The following PLPBP variants were observed in gnomAD, a reference collection of about 807,000 sequenced individuals.
PLPBP encodes pyridoxal phosphate binding protein, also known as pyridoxal phosphate homeostasis protein.
In PLPBP, 21 loss-of-function variants were observed where a neutral mutation model predicts 31.2. The observed-to-expected ratio is 0.67, with a 90% CI of 0.48 to 0.97. The LOEUF (loss-of-function observed/expected upper bound fraction) is 0.97, where lower values mean the gene tolerates loss of function less well. Among genes scored for constraint, PLPBP ranks in the 50% least tolerant of loss-of-function variants. PLPBP has a pLI of 0.00. For synonymous variants in PLPBP, 124 were observed against 135.6 expected (o/e 0.91, Z 0.59); for missense variants, 308 against 354.4 (o/e 0.87, Z 1.05).
intron 4 of PLPBP, among the ~76,000 whole-genome samples, chr8:37,769,981 A>C (rs916011406): frequency 1.3e-5 from 2 of 152,236 alleles, no homozygotes; most frequent in African/African-American, 4.8e-5. Context: ...TGATGCAAGA[A>C]TTTGAAGAGG....
chr8:37,767,015 C>T (rs549426065), intron 4 of PLPBP, among the ~76,000 whole-genome samples: 94 of 135,436 alleles, frequency 6.9e-4, no homozygotes, highest in Non-Finnish European at 1.0e-3. Context: ...CCACTGCACT[C>T]CAGACTAGGT....
At chr8:37,771,561 C>T (rs933183394) in intron 4 of PLPBP, among the ~76,000 whole-genome samples, 1 of 152,104 alleles carries the variant, frequency 6.6e-6, no homozygotes, top group Non-Finnish European at 1.5e-5. Context: ...GTGGGGATTA[C>T]AGGTGTGAGC....
At chr8:37,766,676 T>C in intron 4 of PLPBP, 1 of 931,730 alleles carries the variant, frequency 1.1e-6, no homozygotes, top group Non-Finnish European at 1.3e-6. Flanking sequence ...TCTGTTCTTT[T>C]TCCTTTAAAT....
intron 5 of PLPBP, 38 bp from the exon 6 acceptor site, chr8:37,775,301 C>G: frequency 6.2e-7 from 1 of 1,612,604 alleles, no homozygotes; most frequent in Non-Finnish European, 8.5e-7. Flanking sequence ...GGCCATTTAC[C>G]CTTGCAGTAT....
At chr8:37,771,642 G>A (rs544652981) in intron 4 of PLPBP, among the ~76,000 whole-genome samples, 17 of 152,070 alleles carry the variant, frequency 1.1e-4, no homozygotes, top group African/African-American at 4.1e-4. Context: ...AAGCAAAAAT[G>A]GACAAATGGG....
rs774240953 is a variant in PLPBP, at chr8:37,775,404, A to C, written c.520A>C (p.Asn174His). ...IVEHINAKCP[N>H]LEFVGLMTIG... ...GGAGCACATAAACGCCAAGTGTCCT[A>C]ACCTGGAGTTTGTGGGGCTGATGAC... The change falls in exon 6 of 8, where the codon AAC (asparagine) becomes CAC (histidine). Residue 174 changes from asparagine (N) to histidine (H), a missense_variant. By Grantham distance (68) the Asn-to-His change is moderately conservative. Around this residue, in one of 2 missense-constraint regions of PLPBP, gnomAD observed 188 missense variants for 259.3 expected, o/e 0.73. Coordinates refer to ENST00000328195, the MANE Select transcript of PLPBP (RefSeq NM_007198.4). 9.3e-6 allele frequency: 15 copies of C among 1,614,236 alleles called. No homozygotes were observed. The highest frequency in any genetic ancestry group is 1.2e-5 in the Non-Finnish European group (14 of 1,180,040).
rs1585944802 is a variant in PLPBP at position 37,779,292 on chromosome 8, C to T, written c.*1188C>T. Reference sequence around the variant, plus strand: ...CAAAACCCAGTGAATCTCATTACTCCTAAGAAACGAAAGATTCCTTCAAAG... The same window carrying T: ...CAAAACCCAGTGAATCTCATTACTCTTAAGAAACGAAAGATTCCTTCAAAG... On this transcript the variant is annotated 3_prime_UTR_variant, in exon 8 of 8. Transcript: ENST00000328195. 6.6e-6 allele frequency: 1 copy of T among 152,120 alleles called. No individual in the cohort carries two copies. The highest frequency in any genetic ancestry group is 1.9e-4 in the East Asian group (1 of 5,200). 9.4% of individuals were successfully genotyped at this position (152,120 alleles called of 1,614,324 possible). A position where few individuals can be genotyped will look rare whatever the true frequency, so the allele number is the denominator to read the frequency against.
In PLPBP at chr8:37,778,076, C is replaced by A. The variant is rs778113575; in HGVS notation, c.800C>A (p.Ala267Asp). Reference protein sequence around the residue: ...TPDKCAADVKAPLEVAQEH With the variant: ...TPDKCAADVKDPLEVAQEH ...GACAAGTGCGCAGCAGACGTGAAGG[C>A]CCCGCTGGAGGTGGCACAGGAGCAC... The change falls in exon 8 of 8, where the codon GCC becomes GAC. Residue 267 changes from alanine to aspartate, a missense_variant. Coordinates refer to ENST00000328195, the MANE Select transcript of PLPBP (RefSeq NM_007198.4). 6.2e-7 allele frequency: 1 copy of A among 1,613,316 alleles called. No homozygotes were observed. The highest frequency in any genetic ancestry group is 1.3e-5 in the African/African-American group (1 of 74,920).
At chr8:37,776,055 G>A (rs200141216) in intron 7 of PLPBP, 39 bp downstream of exon 7, 23 of 1,559,552 alleles carry the variant, frequency 1.5e-5, no homozygotes, top group Non-Finnish European at 2.0e-5. Context: ...CTCGAGGGGT[G>A]GGGGTAGGGG....
rs117444810 is a variant in PLPBP at position 37,765,445 on chromosome 8, A to G, written c.100-81A>G. The G allele has an allele frequency of 8.1e-3, 10,742 of 1,333,074 alleles. 68 individuals carry two copies. Among genetic ancestry groups the G allele is most frequent in the Non-Finnish European group, 0.01 (9,791 of 933,896 alleles). The allele number at this position is 1,333,074 out of a possible 1,614,324, so 82.6% of individuals were successfully genotyped here. A position where few individuals can be genotyped will look rare whatever the true frequency, so the allele number is the denominator to read the frequency against. ...GCCAAGTTGAGATCAATGCCTGTCT[A>G]TCCTACAGGATCTATCCTATGGGAT... On this transcript the variant is annotated intron_variant, in intron 1 of 7. Coordinates refer to ENST00000328195, the MANE Select transcript of PLPBP (RefSeq NM_007198.4).
In PLPBP at chr8:37,765,614, G is replaced by C; in HGVS notation, c.188G>C (p.Arg63Pro). ...MVIEAYGHGQ[R>P]TFGENYVQEL... ...ATCGAGGCCTATGGACATGGGCAGC[G>C]CACTTTTGGCGAGAACTACGTAAGA... is the stretch of plus-strand genomic sequence containing the variant. The change falls in exon 2 of 8, where the codon CGC becomes CCC. Residue 63 changes from arginine (R) to proline (P), a missense_variant. By Grantham distance (103) the Arg-to-Pro change is moderately radical (BLOSUM62 -2). Transcript: ENST00000328195. 1 of 1,614,182 alleles carries C rather than the reference G, an allele frequency of 6.2e-7. No individual in the cohort carries two copies. The highest frequency in any genetic ancestry group is 8.5e-7 in the Non-Finnish European group (1 of 1,180,016).
chr8:37,771,830 G>A (rs1803779150), intron 4 of PLPBP, among the ~76,000 whole-genome samples: 1 of 152,170 alleles, frequency 6.6e-6, no homozygotes, highest in East Asian at 2.0e-4. Flanking sequence ...TGTAGTGGTG[G>A]GTGCCTGTAA....
In PLPBP at chr8:37,775,488, G is replaced by C; in HGVS notation, c.597+7G>C. 2 of 1,613,594 alleles carry C rather than the reference G, an allele frequency of 1.2e-6. No homozygotes were observed. The highest frequency in any genetic ancestry group is 2.2e-5 in the South Asian group (2 of 91,048). ...ACCAAATCCAGACTTCCAGGTACTG[G>C]GGGGTCGGGGAGATTGCTCGTGTGC... On this transcript the variant is annotated splice_region_variant and intron_variant, in intron 6 of 7. Coordinates refer to ENST00000328195, the MANE Select transcript of PLPBP (RefSeq NM_007198.4).
intron 4 of PLPBP, among the ~76,000 whole-genome samples, 167 bp from the exon 5 acceptor site, chr8:37,772,588 T>G (rs114186184): frequency 0.01 from 1,598 of 152,350 alleles, 24 homozygotes; most frequent in African/African-American, 0.036. Context: ...ACATTTGAAT[T>G]TGTATCTAGT....
At chr8:37,766,403 G>T in intron 4 of PLPBP, 48 bp downstream of exon 4, 1 of 1,553,130 alleles carries the variant, frequency 6.4e-7, no homozygotes. Flanking sequence ...TCATTGTATT[G>T]CTTCTACTAC....
In PLPBP at chr8:37,775,905, C is replaced by T. The variant is rs1803890552; in HGVS notation, c.598-13C>T. ...AAGGCAGGAGTAAAATAGGTGTCAT[C>T]TCTTTCTGTCAGCTGTTATTGTCCC... On this transcript the variant is annotated splice_polypyrimidine_tract_variant and intron_variant, in intron 6 of 7. Transcript: ENST00000328195. 6.2e-7 allele frequency: 1 copy of T among 1,601,204 alleles called. No homozygotes were observed. The highest frequency in any genetic ancestry group is 8.5e-7 in the Non-Finnish European group (1 of 1,171,372).
At chr8:37,777,355 A>C (rs1803939761) in intron 7 of PLPBP, among the ~76,000 whole-genome samples, 1 of 152,196 alleles carries the variant, frequency 6.6e-6, no homozygotes, top group African/African-American at 2.4e-5. Flanking sequence ...TTGGAGAGGT[A>C]GGTGGGCTGT....
intron 1 of PLPBP, among the ~76,000 whole-genome samples, chr8:37,763,348 C>T (rs895513348): frequency 4.6e-5 from 7 of 152,166 alleles, no homozygotes; most frequent in African/African-American, 7.2e-5. Context: ...TCCTCTTGGA[C>T]TTTGATTAGA....
At chr8:37,763,831 C>T (rs1437938120) in intron 1 of PLPBP, among the ~76,000 whole-genome samples, 2 of 152,176 alleles carry the variant, frequency 1.3e-5, no homozygotes, top group East Asian at 1.9e-4. Context: ...GACTCCGTCA[C>T]GTCCTTGAGA....
Sources: allele counts gnomAD v4.1 joint callset (sites outside exome capture counted in the v4.1 genomes callset), GRCh38; gene constraint gnomAD v4.1.1; regional missense constraint gnomAD v4.1.1; transcripts MANE v1.5; gene names NCBI Gene and HGNC (gene_info 2026-07-23, HGNC 2026-07-21).